Variants in EXTL3 observed in about 807,000 individuals in gnomAD.
The protein encoded by EXTL3 is exostosin like glycosyltransferase 3, also known as exostosin-like 3.
Under a neutral mutation model 69.3 loss-of-function variants are expected in EXTL3, and 27 were observed. The observed-to-expected ratio is 0.39, with a 90% confidence interval of 0.29 to 0.54. The LOEUF is 0.54. Ranked by LOEUF, EXTL3 falls within the 20% of genes least tolerant of loss-of-function variation. The pLI, the probability that EXTL3 is intolerant of heterozygous loss-of-function variation, is 0.69. For missense variants in EXTL3, 1,003 were observed against 1,231.8 expected, an observed-to-expected ratio of 0.81 and a Z score of 2.78; for synonymous variants, 511 against 499.4, an observed-to-expected ratio of 1.02 and a Z score of -0.31.
At chr8:28,755,913 C>T (rs1270849853), downstream of EXTL3, among the ~76,000 whole-genome samples, 2 of 152,066 alleles carry the variant, frequency 1.3e-5, no homozygotes, top group Admixed American at 6.5e-5. Flanking sequence ...TTTACTGGAC[C>T]CGCCTTGGAG....
At chr8:28,736,917 C>G (rs1289098838) in intron 4 of EXTL3, among the ~76,000 whole-genome samples, 2 of 152,204 alleles carry the variant, frequency 1.3e-5, no homozygotes, top group Non-Finnish European at 2.9e-5. Flanking sequence ...GTCCTTCCAC[C>G]TCAGCCTCCC....
intron 3 of EXTL3, among the ~76,000 whole-genome samples, chr8:28,729,112 A>G (rs1026126377): frequency 2.0e-5 from 3 of 151,548 alleles, no homozygotes. Flanking sequence ...CCTAGGCAAT[A>G]TGGTGAAACC....
At chr8:28,698,781 G>A (rs1376865521), upstream of EXTL3, among the ~76,000 whole-genome samples, 3 of 152,130 alleles carry the variant, frequency 2.0e-5, no homozygotes, top group Non-Finnish European at 4.4e-5. Flanking sequence ...ATCACTTGAG[G>A]TCAGGAGTTT....
chr8:28,738,672 C>G (rs1459416872), intron 5 of EXTL3, among the ~76,000 whole-genome samples: 1 of 152,238 alleles, frequency 6.6e-6, no homozygotes, highest in Non-Finnish European at 1.5e-5. Flanking sequence ...TCTCTGAGGA[C>G]AGTGCTCCCA....
rs778345262 is a variant in EXTL3 at position 28,716,560 on chromosome 8, C to T, written c.501C>T (p.Gly167=). The change falls in exon 3 of 7, where the codon GGC becomes GGT. Residue 167 remains glycine (G), a synonymous_variant. Transcript: ENST00000220562. The surrounding 1 kb of genome is among the most constrained non-coding windows in gnomAD (Gnocchi z 7.1). ...IRLLPEKDDA[G]LPPPKATRGC... ...TGCTCCCAGAGAAGGACGATGCCGGCCTCCCTCCCCCGAAGGCCACTCGGG... is the reference window on the plus strand; with the variant it reads ...TGCTCCCAGAGAAGGACGATGCCGGTCTCCCTCCCCCGAAGGCCACTCGGG... The T allele has an allele frequency of 7.1e-5, 115 of 1,614,078 alleles. No individual in the cohort carries two copies. The highest frequency in any genetic ancestry group is 9.2e-5 in the Non-Finnish European group (109 of 1,180,050).
chr8:28,720,041 G>C (rs1265872265), intron 3 of EXTL3, among the ~76,000 whole-genome samples: 2 of 152,000 alleles, frequency 1.3e-5, no homozygotes, highest in Non-Finnish European at 2.9e-5. Context: ...TTTTTTTCTG[G>C]TCCTTTTAAA....
intron 6 of EXTL3, among the ~76,000 whole-genome samples, chr8:28,748,543 T>G (rs913714043): frequency 2.0e-5 from 3 of 151,964 alleles, no homozygotes; most frequent in Non-Finnish European, 4.4e-5. Flanking sequence ...AAACTTAGGG[T>G]GGCAAGCGTG....
intron 1 of EXTL3, among the ~76,000 whole-genome samples, chr8:28,628,492 A>T (rs1275276338): frequency 6.6e-6 from 1 of 152,124 alleles, no homozygotes; most frequent in Non-Finnish European, 1.5e-5. Flanking sequence ...TCATTGCACC[A>T]CTGCTCCAGC....
intron 2 of EXTL3, among the ~76,000 whole-genome samples, 158 bp from the exon 3 acceptor site, chr8:28,715,427 A>G (rs942355679): frequency 6.6e-6 from 1 of 152,234 alleles, no homozygotes; most frequent in Non-Finnish European, 1.5e-5. Context: ...CCAAACAGCA[A>G]ACAACATCTC....
At chr8:28,642,445 CAAAAAAAA>C (rs34884110) in intron 1 of EXTL3, among the ~76,000 whole-genome samples, 9 of 91,932 alleles carry the variant, frequency 9.8e-5, no homozygotes, top group African/African-American at 3.2e-4. Flanking sequence ...AACACTGTCT[CAAAAAAAA>C]AAAAAAAAAA....
At chr8:28,610,744 CTTTTT>C (rs35188606) in intron 2 of EXTL3, among the ~76,000 whole-genome samples, 3 of 138,064 alleles carry the variant, frequency 2.2e-5, no homozygotes, top group Non-Finnish European at 4.8e-5. Flanking sequence ...AGATCTGTTT[CTTTTT>C]TTTTTTTTTT....
Position 28,753,661 on chromosome 8 carries a change from T to A in EXTL3, c.*2795T>A, listed in dbSNP as rs1802060334. 1 of 152,548 alleles carries A rather than the reference T, an allele frequency of 6.6e-6. No individual in the cohort carries two copies. Among genetic ancestry groups the A allele is most frequent in the Non-Finnish European group, 1.5e-5 (1 of 68,042 alleles). The allele number at this position is 152,548 out of a possible 1,614,324, so 9.4% of individuals were successfully genotyped here. A position where few individuals can be genotyped will look rare whatever the true frequency, so the allele number is the denominator to read the frequency against. On this transcript the variant is annotated 3_prime_UTR_variant, in exon 7 of 7. Transcript: ENST00000220562. ...CTTACATTGGATTTTTGTAAAAAAA[T>A]AAAAATAAATGGAGACTTTAACTCA...
intron 2 of EXTL3, among the ~76,000 whole-genome samples, chr8:28,609,747 G>A (rs1300150708): frequency 6.6e-6 from 1 of 151,764 alleles, no homozygotes; most frequent in African/African-American, 2.4e-5. Flanking sequence ...AAAAATAACT[G>A]CGCGTGATGG....
intron 5 of EXTL3, 86 bp downstream of exon 5, chr8:28,737,749 TC>T: frequency 7.3e-7 from 1 of 1,373,828 alleles, no homozygotes; most frequent in Non-Finnish European, 1.0e-6. Context: ...AGCTTAGCTC[TC>T]CTAACGCTTC....
intron 3 of EXTL3, among the ~76,000 whole-genome samples, chr8:28,720,148 T>C (rs1245780342): frequency 6.6e-6 from 1 of 152,048 alleles, no homozygotes; most frequent in African/African-American, 2.4e-5. Context: ...TGGGGAACAG[T>C]TGAAGTTGCT....
In EXTL3 at chr8:28,750,177, T is replaced by A. The variant is rs953576843; in HGVS notation, c.2551-480T>A. On this transcript the variant is annotated intron_variant, in intron 6 of 6. Coordinates refer to ENST00000220562, the MANE Select transcript of EXTL3 (RefSeq NM_001440.4). The surrounding 1 kb of genome is among the most constrained non-coding windows in gnomAD (Gnocchi z 5.2). The stretch of plus-strand genomic sequence containing the variant: ...TGACTAGACTGTAGTATGGCCACTT[T>A]CCCATGGCTTTAAATGTAGTTAAGC... 6.6e-5 allele frequency among the ~76,000 whole-genome samples: 10 copies of A among 152,202 alleles called. No individual in the cohort carries two copies. Among genetic ancestry groups the A allele is most frequent in the Non-Finnish European group, 1.5e-4 (10 of 68,036 alleles).
chr8:28,696,750 G>C (rs1228228367), upstream of EXTL3: 1 of 152,026 alleles, frequency 6.6e-6, no homozygotes, highest in African/African-American at 2.4e-5. Flanking sequence ...AGTAGAGACG[G>C]GGTTTCACCA....
At chr8:28,746,963 C>T (rs942913940) in intron 6 of EXTL3, among the ~76,000 whole-genome samples, 7 of 151,946 alleles carry the variant, frequency 4.6e-5, no homozygotes, top group Admixed American at 3.3e-4. Flanking sequence ...TGTGAGCCAC[C>T]GCACCCAGCT....
Position 28,630,981 on chromosome 8 carries a change from G to A in EXTL3, c.-53+8171G>A, listed in dbSNP as rs139102556. On this transcript the variant is annotated intron_variant, in intron 1 of 6. Transcript: ENST00000523149. ...ATAAAACATAAAAGTGATCAAAGCAGTGAAGCAGAAATAAATCCCGTGGGA... is the reference window on the plus strand; with the variant it reads ...ATAAAACATAAAAGTGATCAAAGCAATGAAGCAGAAATAAATCCCGTGGGA... Among the ~76,000 whole-genome samples, 199 of 152,328 alleles carry A rather than the reference G, an allele frequency of 1.3e-3. 2 individuals are homozygous for A. The highest frequency in any genetic ancestry group is 4.5e-3 in the African/African-American group (187 of 41,564).
Sources: allele counts gnomAD v4.1 joint callset (sites outside exome capture counted in the v4.1 genomes callset), GRCh38; gene constraint gnomAD v4.1.1; non-coding constraint Gnocchi (gnomAD v3.1); transcripts MANE v1.5; gene names NCBI Gene and HGNC (gene_info 2026-07-23, HGNC 2026-07-21).